TLL2: variants seen among roughly 807,000 people sequenced by gnomAD.
The protein encoded by TLL2 is tolloid-like protein 2.
A neutral mutation model predicts 123.0 loss-of-function variants in TLL2; 106 were observed. The observed-to-expected ratio is 0.86, with a 90% CI of 0.74 to 1.01. The LOEUF (loss-of-function observed/expected upper bound fraction) is 1.01. TLL2 is among the 50% of genes least tolerant of loss of function. TLL2 has a pLI of 0.00. For missense variants in TLL2, 1,332 were observed against 1,336.7 expected (o/e 1.00, Z 0.06); for synonymous variants, 494 against 516.8 (o/e 0.96, Z 0.60).
intron 10 of TLL2, among the ~76,000 whole-genome samples, chr10:96,397,873 G>A (rs1846356809): frequency 6.6e-6 from 1 of 152,192 alleles, no homozygotes; most frequent in Non-Finnish European, 1.5e-5. Context: ...GGAGTGACAG[G>A]ACTAGCGGGA....
At chr10:96,405,148 G>C in intron 10 of TLL2, 84 bp downstream of exon 10, 1 of 1,309,986 alleles carries the variant, frequency 7.6e-7, no homozygotes, top group East Asian at 2.3e-5. Flanking sequence ...TGTGACCGCT[G>C]TCAAGGTGGA....
At chr10:96,408,032 G>T (rs1436107380) in intron 9 of TLL2, among the ~76,000 whole-genome samples, 1 of 152,232 alleles carries the variant, frequency 6.6e-6, no homozygotes, top group African/African-American at 2.4e-5. Context: ...CAGATTCCCT[G>T]GGAGTGGGGG....
Position 96,373,642 on chromosome 10 carries a change from C to T in TLL2, c.2616G>A (p.Ser872=), listed in dbSNP as rs746078608. 1.2e-5 allele frequency: 20 copies of T among 1,614,110 alleles called. No homozygotes were observed. The highest frequency in any genetic ancestry group is 6.7e-5 in the Admixed American group (4 of 60,014). Residue 872 remains serine (S), a synonymous_variant, in exon 19 of 21, where the codon TCG becomes TCA. Coordinates refer to ENST00000357947, the MANE Select transcript of TLL2 (RefSeq NM_012465.4). ...AGCCTTTCCTCTGCACTGAGGCATC[C>T]GAATAAAACCTGAGAAACATACTGC... is the stretch of plus-strand genomic sequence containing the variant. The part of the protein sequence containing the change: ...SGSSMFLRFY[S]DASVQRKGFQ...
intron 1 of TLL2, among the ~76,000 whole-genome samples, chr10:96,498,580 T>A (rs1847501842): frequency 6.6e-6 from 1 of 152,140 alleles, no homozygotes; most frequent in Non-Finnish European, 1.5e-5. Flanking sequence ...AACCCCTGAT[T>A]TTTAGCTCCA....
chr10:96,472,355 C>T (rs1259477094), intron 2 of TLL2, among the ~76,000 whole-genome samples: 10 of 152,176 alleles, frequency 6.6e-5, no homozygotes, highest in Non-Finnish European at 1.2e-4. Flanking sequence ...AGCACTCCTA[C>T]CCCAACAAAT....
At chr10:96,370,030 C>T (rs965184767) in intron 20 of TLL2, 35 bp downstream of exon 20, 1 of 1,521,962 alleles carries the variant, frequency 6.6e-7, no homozygotes, top group African/African-American at 1.4e-5. Context: ...TGAATCATCA[C>T]ACTCTGCCCC....
intron 3 of TLL2, among the ~76,000 whole-genome samples, chr10:96,439,851 C>T (rs1846834052): frequency 6.6e-6 from 1 of 152,162 alleles, no homozygotes; most frequent in African/African-American, 2.4e-5. Context: ...TTCTGTTTGG[C>T]CTGGACACTT....
chr10:96,477,090 T>C, intron 2 of TLL2, among the ~76,000 whole-genome samples: 1 of 104,738 alleles, frequency 9.5e-6, no homozygotes, highest in Non-Finnish European at 1.9e-5. Context: ...ACAAAAACAA[T>C]AAAAAATATT....
In TLL2 at chr10:96,513,359, A is replaced by G. The variant is rs1327688856; in HGVS notation, c.175+152T>C. The G allele has an allele frequency of 1.3e-5, 13 of 987,830 alleles. No homozygotes were observed. In the East Asian group the frequency reaches 1.5e-4, roughly 11 times the overall value. 61.2% of individuals were successfully genotyped at this position (987,830 alleles called of 1,614,324 possible). A position where few individuals can be genotyped will look rare whatever the true frequency, so the allele number is the denominator to read the frequency against. ...CCAGCCTCGGAGTGGTTTTTAAGCAATTCCTCGGAGGCATTGTCTTCCGGG... is the reference window on the plus strand; with the variant it reads ...CCAGCCTCGGAGTGGTTTTTAAGCAGTTCCTCGGAGGCATTGTCTTCCGGG... On this transcript the variant is annotated intron_variant, in intron 1 of 20. Coordinates refer to ENST00000357947, the MANE Select transcript of TLL2 (RefSeq NM_012465.4).
rs114399728 is a variant in TLL2, at chr10:96,422,409, C to G, written c.817+140G>C. ...CAGTGGTCAGACTGGTGAGACGGGC[C>G]TGTACAACAGAGTCATTGCTCCATA... On this transcript the variant is annotated intron_variant, in intron 6 of 20. Transcript: ENST00000357947. 1.5e-3 allele frequency: 1,553 copies of G among 1,022,020 alleles called. 20 individuals are homozygous for G. The African/African-American group carries it at 0.021, about 14-fold the overall frequency. 63.3% of individuals were successfully genotyped at this position (1,022,020 alleles called of 1,614,324 possible).
rs1554939657 is a variant in TLL2 at position 96,476,248 on chromosome 10, T to TTGTTGTTGTTGTTG, written c.286+4100_286+4101insCAACAACAACAACA. Among the ~76,000 whole-genome samples, 129 of 69,244 alleles carry TTGTTGTTGTTGTTG rather than the reference T, an allele frequency of 1.9e-3. 13 individuals are homozygous for TTGTTGTTGTTGTTG. The highest frequency in any genetic ancestry group is 7.7e-3 in the African/African-American group (124 of 16,072). The allele number at this position is 69,244 out of a possible 152,430, so 45.4% of individuals were successfully genotyped here. A position where few individuals can be genotyped will look rare whatever the true frequency, so the allele number is the denominator to read the frequency against. On this transcript the variant is annotated intron_variant, in intron 2 of 20. Transcript: ENST00000357947. The stretch of plus-strand genomic sequence containing the variant: ...TATATATATATATATATATTTTATT[T>TTGTTGTTGTTGTTG]TTGTTGTTGTTGTTGTTGTTGAGAC...
Position 96,371,320 on chromosome 10 carries a change from CAAAA to C in TLL2, c.2663-1009_2663-1006del, listed in dbSNP as rs113456838. The stretch of plus-strand genomic sequence containing the variant: ...TGGGCCACAGAGCAAAACTCCGTAT[CAAAA>C]AAAAAAAAAAAGTAAATAAATAAAT... On this transcript the variant is annotated intron_variant, in intron 19 of 20. Transcript: ENST00000357947. Among the ~76,000 whole-genome samples, 994 of 115,716 alleles carry C rather than the reference CAAAA, an allele frequency of 8.6e-3. 4 individuals are homozygous for C. Among genetic ancestry groups the C allele is most frequent in the African/African-American group, 0.029 (904 of 30,714 alleles). 75.9% of individuals were successfully genotyped at this position (115,716 alleles called of 152,430 possible). A position where few individuals can be genotyped will look rare whatever the true frequency, so the allele number is the denominator to read the frequency against.
intron 7 of TLL2, among the ~76,000 whole-genome samples, chr10:96,417,133 A>T (rs1214205542): frequency 6.6e-6 from 1 of 152,232 alleles, no homozygotes; most frequent in East Asian, 1.9e-4. Context: ...CCACCTCCCC[A>T]GATCAGCATA....
intron 2 of TLL2, among the ~76,000 whole-genome samples, chr10:96,455,110 C>T (rs773339166): frequency 5.9e-5 from 9 of 152,174 alleles, no homozygotes; most frequent in East Asian, 5.8e-4. Context: ...GGCATGGTGG[C>T]GGGTGCCTAT....
intron 5 of TLL2, among the ~76,000 whole-genome samples, chr10:96,427,016 G>GACAT (rs1846684665): frequency 6.6e-6 from 1 of 152,146 alleles, no homozygotes. Context: ...CTTTTGTCCA[G>GACAT]ACATAGCTTT....
At chr10:96,409,328 T>C (rs73324587) in intron 9 of TLL2, among the ~76,000 whole-genome samples, 2,743 of 152,316 alleles carry the variant, frequency 0.018, 92 homozygotes, top group African/African-American at 0.063. Flanking sequence ...GTAGTGACTA[T>C]ACCGTGAGAC....
chr10:96,376,205 CT>C (rs1017717635), intron 18 of TLL2, among the ~76,000 whole-genome samples: 2 of 152,224 alleles, frequency 1.3e-5, no homozygotes, highest in Non-Finnish European at 2.9e-5. Flanking sequence ...ATATATTTCC[CT>C]GTGCACTGAC....
chr10:96,500,144 CAAAAAAAA>C (rs57153896), intron 1 of TLL2, among the ~76,000 whole-genome samples: 2 of 120,796 alleles, frequency 1.7e-5, no homozygotes, highest in African/African-American at 6.2e-5. Context: ...AAATCTCTAC[CAAAAAAAA>C]AAAAAAAATA....
intron 16 of TLL2, among the ~76,000 whole-genome samples, chr10:96,382,582 G>C (rs1001307136): frequency 1.3e-5 from 2 of 152,240 alleles, no homozygotes; most frequent in African/African-American, 2.4e-5. Flanking sequence ...ACAGTGTTGA[G>C]AGATGAGGCC....
Sources: gnomAD v4.1 joint callset for allele counts (sites outside exome capture counted in the v4.1 genomes callset) on GRCh38, gnomAD v4.1.1 for gene constraint, MANE v1.5 for transcripts, NCBI Gene and HGNC (gene_info 2026-07-23, HGNC 2026-07-21) for gene names.